The following ANKRD42 variants were observed in gnomAD, a reference collection of about 807,000 sequenced individuals.
ANKRD42 encodes the protein ankyrin repeat domain 42.
Under a neutral mutation model 51.5 loss-of-function variants are expected in ANKRD42, and 43 were observed. The observed-to-expected ratio is 0.83, with a 90% CI of 0.65 to 1.08. The LOEUF (loss-of-function observed/expected upper bound fraction) is 1.08. Among genes scored for constraint, ANKRD42 ranks in the 50% least tolerant of loss-of-function variants. The pLI is 0.00. For missense variants in ANKRD42, 608 were observed against 629.3 expected (o/e 0.97, Z 0.36); for synonymous variants, 203 against 213.0 (o/e 0.95, Z 0.41).
Position 83,206,058 on chromosome 11 carries a change from T to C in ANKRD42, c.223T>C (p.Cys75Arg), listed in dbSNP as rs1302784222. Residue 75 changes from cysteine (C) to arginine (R), a missense_variant and splice_region_variant, in exon 3 of 11, where the codon TGT becomes CGT. By Grantham distance (180) the Cys-to-Arg change is radical. Transcript: ENST00000533342. Reference sequence around the variant, plus strand: ...CTTGTTAACATGGTTATTTTCTTAGTGTCTTCATTGGCTGCTCTGGCATGG... The same window carrying C: ...CTTGTTAACATGGTTATTTTCTTAGCGTCTTCATTGGCTGCTCTGGCATGG... The part of the protein sequence containing the change: ...HWAAHSGSLE[C>R]LHWLLWHGAD... The C allele has an allele frequency of 1.2e-6, 2 of 1,610,954 alleles. No individual in the cohort carries two copies. Among genetic ancestry groups the C allele is most frequent in the East Asian group, 2.2e-5 (1 of 44,862 alleles).
chr11:83,257,892 G>C (rs922667609), downstream of ANKRD42, among the ~76,000 whole-genome samples: 5 of 152,204 alleles, frequency 3.3e-5, no homozygotes, highest in East Asian at 9.6e-4. Context: ...TCTGTAGTGG[G>C]AAGGATTTAT....
Position 83,248,083 on chromosome 11 carries a change from C to T in ANKRD42, c.1463C>T (p.Ala488Val), listed in dbSNP as rs1300256055. 6.4e-7 allele frequency: 1 copy of T among 1,573,972 alleles called. No individual in the cohort carries two copies. Among genetic ancestry groups the T allele is most frequent in the African/African-American group, 1.4e-5 (1 of 73,576 alleles). Residue 488 changes from alanine to valine, a missense_variant, in exon 11 of 11, where the codon GCT becomes GTT. Coordinates refer to ENST00000533342, the MANE Select transcript of ANKRD42 (RefSeq NM_001300975.2). ...LEKIQVPNFV[A>V]MVGVLFNTFI... ...AAAATTCAAGTCCCAAACTTTGTGG[C>T]TATGGTTGGTGTCCTTTTTAATACA...
chr11:83,194,685 C>T lies in ANKRD42; in HGVS notation c.15C>T (p.Ala5=). Residue 5 remains alanine (A), a synonymous_variant, in exon 1 of 11, where the codon GCC becomes GCT. Transcript: ENST00000533342. ...GGTGTTGCGCCATGCCCGGGGTGGC[C>T]AATTCAGGCCCCTCCACTTCCTCTA... MPGV[A]NSGPSTSSRE... is the part of the protein sequence containing the mutation. 1 of 1,613,316 alleles carries T rather than the reference C, an allele frequency of 6.2e-7. No individual in the cohort carries two copies.
At chr11:83,197,010 T>C (rs1590956572) in intron 1 of ANKRD42, among the ~76,000 whole-genome samples, 1 of 152,132 alleles carries the variant, frequency 6.6e-6, no homozygotes, top group African/African-American at 2.4e-5. Context: ...CATTTGTAGG[T>C]CTGGCTGTGC....
rs530809442 is a variant in ANKRD42, at chr11:83,255,286, G to A, written c.1465-559G>A. Among the ~76,000 whole-genome samples, 5 of 152,270 alleles carry A rather than the reference G, an allele frequency of 3.3e-5. No homozygotes were observed. The South Asian group carries it at 1.0e-3, about 32-fold the overall frequency. Reference sequence around the variant, plus strand: ...TCCCATGGTATTTATTGATTTTTCTGTGCTGGGTCTTAAGAATACCAAGAT... The same window carrying A: ...TCCCATGGTATTTATTGATTTTTCTATGCTGGGTCTTAAGAATACCAAGAT... On this transcript the variant is annotated intron_variant, in intron 11 of 11. Coordinates refer to the ANKRD42 transcript ENST00000260047.
chr11:83,219,517 C>T (rs1479250302), intron 5 of ANKRD42, among the ~76,000 whole-genome samples: 1 of 152,154 alleles, frequency 6.6e-6, no homozygotes, highest in African/African-American at 2.4e-5. Context: ...GTCCTCTAGG[C>T]CAGGGCCAAG....
At chr11:83,258,135 A>ACCT (rs1863804728), downstream of ANKRD42, among the ~76,000 whole-genome samples, 1 of 152,172 alleles carries the variant, frequency 6.6e-6, no homozygotes, top group African/African-American at 2.4e-5. Flanking sequence ...TAAAATAAGG[A>ACCT]GCAAGGGCCC....
Position 83,237,308 on chromosome 11 carries a change from CTT to C in ANKRD42, c.1019+801_1019+802del, listed in dbSNP as rs148448621. ...CTGTTTGAAAGTTGTAAGGGAGAAACTTTAATACAGAGGAAGGTAAAAGTTAT... is the reference window on the plus strand; with the variant it reads ...CTGTTTGAAAGTTGTAAGGGAGAAACTAATACAGAGGAAGGTAAAAGTTAT... On this transcript the variant is annotated intron_variant, in intron 8 of 10. Coordinates refer to ENST00000533342, the MANE Select transcript of ANKRD42 (RefSeq NM_001300975.2). Among the ~76,000 whole-genome samples the C allele has an allele frequency of 3.2e-3, 492 of 152,168 alleles. 3 individuals carry two copies. Among genetic ancestry groups the C allele is most frequent in the African/African-American group, 0.01 (435 of 41,514 alleles).
intron 5 of ANKRD42, chr11:83,212,936 T>A (rs1862380808): frequency 6.6e-7 from 1 of 1,504,114 alleles, no homozygotes; most frequent in South Asian, 1.3e-5. Context: ...TAAATTGAAG[T>A]CTCAAAAAAC....
At chr11:83,239,983 C>G (rs1043149899) in intron 8 of ANKRD42, among the ~76,000 whole-genome samples, 3 of 152,098 alleles carry the variant, frequency 2.0e-5, no homozygotes, top group Admixed American at 6.6e-5. Context: ...ATGTTTATTA[C>G]TATGTCTTTA....
In ANKRD42 at chr11:83,193,920, G is replaced by A. The variant is rs1197674131; in HGVS notation, c.-751G>A. 3 of 455,468 alleles carry A rather than the reference G, an allele frequency of 6.6e-6. No individual in the cohort carries two copies. Among genetic ancestry groups the A allele is most frequent in the South Asian group, 4.6e-5 (3 of 64,520 alleles). The allele number at this position is 455,468 out of a possible 1,614,324, so 28.2% of individuals were successfully genotyped here. ...ACGGCCATTCCGGCGCCGAGTCTAG[G>A]GAAAGAGTTAGCGACGACGGGGAAA... On this transcript the variant is annotated 5_prime_UTR_variant, in exon 1 of 11. Transcript: ENST00000533342.
At chr11:83,253,587 ATTTAC>A (rs1405743341), downstream of ANKRD42, among the ~76,000 whole-genome samples, 1 of 152,216 alleles carries the variant, frequency 6.6e-6, no homozygotes, top group Non-Finnish European at 1.5e-5. Flanking sequence ...AATAGACTGC[ATTTAC>A]ATTTAGAATT....
chr11:83,203,683 C>T (rs9665972), intron 2 of ANKRD42, among the ~76,000 whole-genome samples: 3,283 of 152,248 alleles, frequency 0.022, 116 homozygotes, highest in African/African-American at 0.075. Flanking sequence ...TGAACCACCG[C>T]GTCTGGCCCT....
rs1374207764 is a variant in ANKRD42 at position 83,210,318 on chromosome 11, G to A, written c.349G>A (p.Ala117Thr). 3 of 1,613,756 alleles carry A rather than the reference G, an allele frequency of 1.9e-6. No homozygotes were observed. The highest frequency in any genetic ancestry group is 2.5e-6 in the Non-Finnish European group (3 of 1,179,736). ...ACVQALIMNG[A>T]NLTAQDDRGC... is the part of the protein sequence containing the mutation. ...TTTTTAGGCTCTTATAATGAATGGA[G>A]CAAATCTGACAGCCCAGGATGACCG... Residue 117 changes from alanine (A) to threonine (T), a missense_variant, in exon 4 of 11, where the codon GCA becomes ACA. Transcript: ENST00000533342.
chr11:83,218,727 G>C (rs917283185), intron 5 of ANKRD42, among the ~76,000 whole-genome samples: 2 of 152,166 alleles, frequency 1.3e-5, no homozygotes, highest in African/African-American at 2.4e-5. Flanking sequence ...GAGAGTCAGT[G>C]GGGGAGGAGA....
intron 5 of ANKRD42, among the ~76,000 whole-genome samples, chr11:83,216,842 A>C (rs548017650): frequency 6.6e-6 from 1 of 151,922 alleles, no homozygotes; most frequent in East Asian, 1.9e-4. Context: ...CAGGAAGCCC[A>C]GCTGGCCCCT....
intron 7 of ANKRD42, among the ~76,000 whole-genome samples, chr11:83,229,281 T>G (rs1862994179): frequency 6.6e-6 from 1 of 152,094 alleles, no homozygotes; most frequent in Non-Finnish European, 1.5e-5. Flanking sequence ...TTATTTTTCT[T>G]TAGTTACCAC....
At chr11:83,259,142 A>T (rs536365363), downstream of ANKRD42, 2 of 152,238 alleles carry the variant, frequency 1.3e-5, no homozygotes, top group Non-Finnish European at 2.9e-5. Flanking sequence ...AGTACCTCAC[A>T]TGTGTCTAGA....
At chr11:83,229,890 A>G (rs1448836212) in intron 7 of ANKRD42, among the ~76,000 whole-genome samples, 1 of 152,060 alleles carries the variant, frequency 6.6e-6, no homozygotes, top group Non-Finnish European at 1.5e-5. Context: ...GTATATGTTT[A>G]TGGGGTATGT....
Sources: allele counts gnomAD v4.1 joint callset (sites outside exome capture counted in the v4.1 genomes callset), GRCh38; gene constraint gnomAD v4.1.1; transcripts MANE v1.5; gene names NCBI Gene and HGNC (gene_info 2026-07-23, HGNC 2026-07-21).